The following MMACHC variants were observed in gnomAD, a reference collection of about 807,000 sequenced individuals.
MMACHC encodes cyanocobalamin reductase / alkylcobalamin dealkylase.
A neutral mutation model predicts 17.6 loss-of-function variants in MMACHC; 14 were observed. That is an observed-to-expected ratio of 0.80 (90% CI 0.53 to 1.25). MMACHC has a LOEUF of 1.25. MMACHC is among the 50% of genes most tolerant of loss of function. The probability of loss-of-function intolerance (pLI) is 0.00; values close to 1 mark genes in which losing one functional copy is unlikely to be tolerated. For missense variants in MMACHC, 392 were observed against 364.5 expected, an observed-to-expected ratio of 1.08 and a Z score of -0.62; for synonymous variants, 151 against 142.1, an observed-to-expected ratio of 1.06 and a Z score of -0.45.
rs1643677014 is a variant in MMACHC at position 45,508,818 on chromosome 1, ACCC to A, written c.455_457del (p.Pro152del). On this transcript the variant is annotated inframe_deletion, in exon 4 of 4. Transcript: ENST00000401061. ...CAGCGCATATCAGGTGTGTGCATACACCCCCGATTTGGGGGCTGGTTTGCCATC... is the reference window on the plus strand; with the variant it reads ...CAGCGCATATCAGGTGTGTGCATACACCGATTTGGGGGCTGGTTTGCCATC... The A allele has an allele frequency of 1.9e-6, 3 of 1,613,506 alleles. No individual in the cohort carries two copies. The highest frequency in any genetic ancestry group is 2.5e-6 in the Non-Finnish European group (3 of 1,179,876).
At chr1:45,508,675 A>G (rs1643674292) in intron 3 of MMACHC, 121 bp from the exon 4 acceptor site, 1 of 1,195,042 alleles carries the variant, frequency 8.4e-7, no homozygotes, top group Middle Eastern at 2.8e-4. Flanking sequence ...AGAAAAGGAC[A>G]GAGGTTTATG....
chr1:45,500,537 G>T (rs570452224), intron 1 of MMACHC, 124 bp downstream of exon 1: 6 of 933,892 alleles, frequency 6.4e-6, no homozygotes, highest in East Asian at 5.1e-5. Flanking sequence ...TGTGACAACA[G>T]GGACAGAGTT....
In MMACHC at chr1:45,510,783, C is replaced by CT. The variant is rs969045058; in HGVS notation, c.*1571dup. The CT allele has an allele frequency of 6.6e-6, 1 of 152,228 alleles. No homozygotes were observed. The highest frequency in any genetic ancestry group is 1.5e-5 in the Non-Finnish European group (1 of 68,060). The allele number at this position is 152,228 out of a possible 1,614,324, so 9.4% of individuals were successfully genotyped here. A position where few individuals can be genotyped will look rare whatever the true frequency, so the allele number is the denominator to read the frequency against. ...AGGTGTCCAAGTAGTCACACTGAGA[C>CT]TTTAACTGGTAACCCAGCCTGTGGC... On this transcript the variant is annotated 3_prime_UTR_variant, in exon 4 of 4. Transcript: ENST00000401061.
In MMACHC at chr1:45,511,282, G is replaced by T; in HGVS notation, c.*2067G>T. 3 of 1,444,406 alleles carry T rather than the reference G, an allele frequency of 2.1e-6. No homozygotes were observed. The highest frequency in any genetic ancestry group is 2.8e-6 in the Non-Finnish European group (3 of 1,056,638). The allele number at this position is 1,444,406 out of a possible 1,614,324, so 89.5% of individuals were successfully genotyped here. A position where few individuals can be genotyped will look rare whatever the true frequency, so the allele number is the denominator to read the frequency against. On this transcript the variant is annotated 3_prime_UTR_variant, in exon 4 of 4. Coordinates refer to ENST00000401061, the MANE Select transcript of MMACHC (RefSeq NM_015506.3). Reference sequence around the variant, plus strand: ...AAAAAAAAAATACAGAAGAGGTTTTGTTCTCATGGCTGCCCACCGCAGCCT... The same window carrying T: ...AAAAAAAAAATACAGAAGAGGTTTTTTTCTCATGGCTGCCCACCGCAGCCT...
At chr1:45,507,576 G>C (rs749791053) in intron 2 of MMACHC, 26 bp downstream of exon 2, 2 of 1,613,046 alleles carry the variant, frequency 1.2e-6, no homozygotes, top group East Asian at 4.5e-5. Context: ...TTTTCCCCCA[G>C]CTCCCAAACC....
intron 1 of MMACHC, among the ~76,000 whole-genome samples, chr1:45,500,734 C>T (rs1643528712): frequency 6.6e-6 from 1 of 151,992 alleles, no homozygotes; most frequent in Admixed American, 6.6e-5. Flanking sequence ...CGTGGTGGTG[C>T]ATGCCTGTAA....
chr1:45,508,626 C>G (rs1643673505), intron 3 of MMACHC, among the ~76,000 whole-genome samples, 170 bp from the exon 4 acceptor site: 1 of 152,214 alleles, frequency 6.6e-6, no homozygotes, highest in African/African-American at 2.4e-5. Flanking sequence ...AAGCCCAGCC[C>G]TTCCCTGTGC....
rs1179377792 is a variant in MMACHC, at chr1:45,509,420, T to TTTTTTG, written c.*210_*211insGTTTTT. 2.5e-5 allele frequency: 14 copies of TTTTTTG among 560,602 alleles called. No individual in the cohort carries two copies. The highest frequency in any genetic ancestry group is 2.0e-4 in the African/African-American group (10 of 49,262). 34.7% of individuals were successfully genotyped at this position (560,602 alleles called of 1,614,324 possible). A position where few individuals can be genotyped will look rare whatever the true frequency, so the allele number is the denominator to read the frequency against. ...TTCCCATCTGCCTTCAAATGAGTTT[T>TTTTTTG]TTTTTTTTTTTTAGACAGAGTCTTA... is the stretch of plus-strand genomic sequence containing the variant. On this transcript the variant is annotated 3_prime_UTR_variant, in exon 4 of 4. Transcript: ENST00000401061.
chr1:45,509,358 G>A lies in MMACHC; in HGVS notation c.*143G>A, dbSNP rs1418565278. The A allele has an allele frequency of 4.1e-6, 4 of 965,152 alleles. No homozygotes were observed. The highest frequency in any genetic ancestry group is 5.3e-5 in the Admixed American group (2 of 37,918). The allele number at this position is 965,152 out of a possible 1,614,324, so 59.8% of individuals were successfully genotyped here. ...CATGAAGATAACAAGGCTCAAGGAA[G>A]TTAGGTTTGGCCAAGATAAAGGCCA... is the stretch of plus-strand genomic sequence containing the variant. On this transcript the variant is annotated 3_prime_UTR_variant, in exon 4 of 4. Coordinates refer to ENST00000401061, the MANE Select transcript of MMACHC (RefSeq NM_015506.3).
chr1:45,503,390 A>G (rs1643573360), intron 1 of MMACHC, among the ~76,000 whole-genome samples: 1 of 150,702 alleles, frequency 6.6e-6, no homozygotes, highest in South Asian at 2.1e-4. Flanking sequence ...AAGAAGAGCG[A>G]AACTCCATCT....
At chr1:45,500,541 CAG>C (rs1643523119) in intron 1 of MMACHC, 128 bp downstream of exon 1, 2 of 903,770 alleles carry the variant, frequency 2.2e-6, no homozygotes, top group Non-Finnish European at 1.8e-6. Flanking sequence ...ACAACAGGGA[CAG>C]AGTTTCAGTG....
At chr1:45,502,401 C>T (rs942034901) in intron 1 of MMACHC, among the ~76,000 whole-genome samples, 1 of 152,100 alleles carries the variant, frequency 6.6e-6, no homozygotes, top group Admixed American at 6.6e-5. Context: ...TCCCAAGTAG[C>T]TGACTCCAGG....
chr1:45,508,885 T>C lies in MMACHC; in HGVS notation c.519T>C (p.Asp173=). Residue 173 remains aspartate (D), a synonymous_variant, in exon 4 of 4, where the codon GAT becomes GAC. Coordinates refer to ENST00000401061, the MANE Select transcript of MMACHC (RefSeq NM_015506.3). ...VVLLPGIEVP[D]LPPRKPHDCV... is the part of the protein sequence containing the mutation. ...TGCTGCCAGGGATAGAGGTGCCAGA[T>C]CTGCCACCCAGAAAACCTCATGACT... The C allele has an allele frequency of 6.2e-7, 1 of 1,614,154 alleles. No individual in the cohort carries two copies. The highest frequency in any genetic ancestry group is 8.5e-7 in the Non-Finnish European group (1 of 1,180,016).
rs772078967 is a variant in MMACHC, at chr1:45,509,131, C to T, written c.765C>T (p.Pro255=). Residue 255 remains proline, a synonymous_variant, in exon 4 of 4, where the codon CCC becomes CCT. Transcript: ENST00000401061. ...SPSPDLPFTT[P]APKKPGNPSR... ...CCCCGGACCTTCCCTTTACCACACCCGCCCCCAAGAAGCCTGGGAATCCCA... is the reference window on the plus strand; with the variant it reads ...CCCCGGACCTTCCCTTTACCACACCTGCCCCCAAGAAGCCTGGGAATCCCA... 8.7e-6 allele frequency: 14 copies of T among 1,611,816 alleles called. No individual in the cohort carries two copies. The highest frequency in any genetic ancestry group is 3.3e-4 in the Middle Eastern group (2 of 6,032).
In MMACHC at chr1:45,508,250, C is replaced by G. The variant is rs528744719; in HGVS notation, c.315C>G (p.Tyr105Ter). ...PELQIEIIAD[Y>*]EVHPNRRPKI... ...TGCAGATAGAAATCATTGCTGACTA[C>G]GAGGTGCACCCCAACCGACGCCCCA... The change falls in exon 3 of 4, where the codon TAC (tyrosine) becomes TAG (stop). Residue 105 changes from tyrosine to a stop codon, truncating the protein, a stop_gained. Transcript: ENST00000401061. LOFTEE classifies it high-confidence loss of function. 1 of 1,614,002 alleles carries G rather than the reference C, an allele frequency of 6.2e-7. No homozygotes were observed. The highest frequency in any genetic ancestry group is 2.2e-5 in the East Asian group (1 of 44,884).
At chr1:45,504,540 T>C (rs1035537634) in intron 1 of MMACHC, among the ~76,000 whole-genome samples, 4 of 152,162 alleles carry the variant, frequency 2.6e-5, no homozygotes, top group African/African-American at 9.7e-5. Context: ...AGGGAGACCC[T>C]GTCTCTACAA....
At chr1:45,500,532 CA>C in intron 1 of MMACHC, 119 bp downstream of exon 1, 2 of 958,202 alleles carry the variant, frequency 2.1e-6, no homozygotes, top group Non-Finnish European at 3.3e-6. Context: ...GTCCATGTGA[CA>C]ACAGGGACAG....
At chr1:45,508,141 T>C in intron 2 of MMACHC, 71 bp from the exon 3 acceptor site, 1 of 1,575,764 alleles carries the variant, frequency 6.3e-7, no homozygotes, top group Non-Finnish European at 8.7e-7. Flanking sequence ...CAAAACAAAC[T>C]AGGGCTCCCT....
chr1:45,508,776 TTTC>T lies in MMACHC; in HGVS notation c.430-16_430-14del. 1.2e-6 allele frequency: 2 copies of T among 1,610,676 alleles called. No homozygotes were observed. The highest frequency in any genetic ancestry group is 1.7e-6 in the Non-Finnish European group (2 of 1,178,176). Reference sequence around the variant, plus strand: ...CCAAGGGGACCTCCATGACCTTGCTTTTCTTCACCCTCTCCCCAGCGCATATCA... The same window carrying T: ...CCAAGGGGACCTCCATGACCTTGCTTTTCACCCTCTCCCCAGCGCATATCA... On this transcript the variant is annotated splice_polypyrimidine_tract_variant and intron_variant, in intron 3 of 3. Coordinates refer to ENST00000401061, the MANE Select transcript of MMACHC (RefSeq NM_015506.3).
Sources: gnomAD v4.1 joint callset for allele counts (sites outside exome capture counted in the v4.1 genomes callset) on GRCh38, gnomAD v4.1.1 for gene constraint, MANE v1.5 for transcripts, NCBI Gene and HGNC (gene_info 2026-07-23, HGNC 2026-07-21) for gene names.